The following IQGAP1 variants were observed in gnomAD, a reference collection of about 807,000 sequenced individuals.
IQGAP1 encodes ras GTPase-activating-like protein IQGAP1.
Under a neutral mutation model 215.6 loss-of-function variants are expected in IQGAP1, and 66 were observed. The ratio of observed to expected loss-of-function variants is 0.31; its 90% CI spans 0.25 to 0.38. The LOEUF (loss-of-function observed/expected upper bound fraction) is 0.38, where lower values mean the gene tolerates loss of function less well. Ranked by LOEUF, IQGAP1 falls within the 10% of genes least tolerant of loss-of-function variation. The pLI, the probability that IQGAP1 is intolerant of heterozygous loss-of-function variation, is 1.00. For synonymous variants in IQGAP1, 772 were observed against 728.7 expected (o/e 1.06, Z -0.96); for missense variants, 1,712 against 1,997.1 (o/e 0.86, Z 2.72).
At chr15:90,443,541 A>G (rs1341805907) in intron 9 of IQGAP1, 63 bp downstream of exon 9, 5 of 930,710 alleles carry the variant, frequency 5.4e-6, no homozygotes, top group East Asian at 2.6e-5. Context: ...ATGTTGATCT[A>G]TTCTGGGACT....
intron 37 of IQGAP1, among the ~76,000 whole-genome samples, chr15:90,497,764 T>C (rs144520677): frequency 0.014 from 2,154 of 152,344 alleles, 40 homozygotes; most frequent in South Asian, 0.064. Flanking sequence ...GTAAACTGAA[T>C]TCTATCTTAA....
chr15:90,428,019 T>G (rs541048074), intron 3 of IQGAP1, among the ~76,000 whole-genome samples: 1 of 152,306 alleles, frequency 6.6e-6, no homozygotes, highest in South Asian at 2.1e-4. Flanking sequence ...ACAGAAACTT[T>G]CCTTAAACAA....
intron 2 of IQGAP1, among the ~76,000 whole-genome samples, chr15:90,424,718 A>C (rs1965195783): frequency 6.6e-6 from 1 of 152,132 alleles, no homozygotes; most frequent in African/African-American, 2.4e-5. Flanking sequence ...ACAGGCCTGT[A>C]ATCCCAGCAA....
At chr15:90,470,507 T>G (rs1435825598) in intron 18 of IQGAP1, among the ~76,000 whole-genome samples, 1 of 152,198 alleles carries the variant, frequency 6.6e-6, no homozygotes, top group Non-Finnish European at 1.5e-5. Context: ...GACTGTATTT[T>G]AAGTAGCAGC....
At chr15:90,468,136 C>T (rs1473303399) in intron 18 of IQGAP1, among the ~76,000 whole-genome samples, 5 of 151,834 alleles carry the variant, frequency 3.3e-5, no homozygotes, top group African/African-American at 7.3e-5. Context: ...GGTGCATTCT[C>T]GGCTCACTGC....
chr15:90,477,326 A>G (rs1027904939), intron 25 of IQGAP1, 96 bp downstream of exon 25: 74 of 1,029,624 alleles, frequency 7.2e-5, no homozygotes, highest in Non-Finnish European at 1.0e-4. Context: ...CTTGATCTCA[A>G]TTAATTTATG....
intron 11 of IQGAP1, among the ~76,000 whole-genome samples, chr15:90,451,833 CTTTTTT>C (rs1000688423): frequency 7.2e-6 from 1 of 139,524 alleles, no homozygotes; most frequent in African/African-American, 2.6e-5. Context: ...TCTGTGTGCC[CTTTTTT>C]TTTTTTTTTG....
intron 33 of IQGAP1, among the ~76,000 whole-genome samples, chr15:90,488,261 T>A (rs1387950906): frequency 6.6e-6 from 1 of 151,404 alleles, no homozygotes; most frequent in Non-Finnish European, 1.5e-5. Flanking sequence ...AATAAATAAA[T>A]AAAATGTTGT....
At chr15:90,484,679 T>A (rs1379805226) in intron 30 of IQGAP1, among the ~76,000 whole-genome samples, 5 of 151,998 alleles carry the variant, frequency 3.3e-5, no homozygotes, top group Non-Finnish European at 7.4e-5. Context: ...TGGCTAAATT[T>A]TTTGAATTTT....
rs893656930 is a variant in IQGAP1 at position 90,465,859 on chromosome 15, C to A, written c.1777-142C>A. 6 of 669,814 alleles carry A rather than the reference C, an allele frequency of 9.0e-6. No individual in the cohort carries two copies. In the African/African-American group the frequency reaches 1.1e-4, roughly 12 times the overall value. The allele number at this position is 669,814 out of a possible 1,614,324, so 41.5% of individuals were successfully genotyped here. Reference sequence around the variant, plus strand: ...ACCAGTTTTTTGATGCCTCCTTCTTCCATTTGACTAACCCACGTGTCTCAT... The same window carrying A: ...ACCAGTTTTTTGATGCCTCCTTCTTACATTTGACTAACCCACGTGTCTCAT... On this transcript the variant is annotated intron_variant, in intron 15 of 37. Transcript: ENST00000268182.
At chr15:90,419,268 A>T (rs1328884073) in intron 2 of IQGAP1, among the ~76,000 whole-genome samples, 2 of 152,180 alleles carry the variant, frequency 1.3e-5, no homozygotes, top group African/African-American at 4.8e-5. Flanking sequence ...TAAAATAATT[A>T]CAATAATACT....
At position 90,388,424 on chromosome 15, in the gene IQGAP1, G is replaced by T. The variant is rs770736790; in HGVS notation, c.55+28G>T. On this transcript the variant is annotated intron_variant, in intron 1 of 37. Transcript: ENST00000268182. ...GAGTGCGGGGCTCCGCGGCGCGGGG[G>T]CTTCGGGCTGGGCTAATTGCAGACG... 6.4e-6 allele frequency: 10 copies of T among 1,557,798 alleles called. No homozygotes were observed. The Admixed American group carries it at 1.3e-4, about 20-fold the overall frequency.
intron 29 of IQGAP1, 83 bp downstream of exon 29, chr15:90,483,676 T>TCTCGGCTGGGCGCGGTGG: frequency 1.0e-6 from 1 of 981,406 alleles, no homozygotes; most frequent in Non-Finnish European, 1.5e-6. Flanking sequence ...AAAAACCACC[T>TCTCGGCTGGGCGCGGTGG]CTCACTTTCC....
intron 34 of IQGAP1, 134 bp from the exon 35 acceptor site, chr15:90,492,411 A>G (rs1966217561): frequency 1.5e-5 from 10 of 649,806 alleles, no homozygotes; most frequent in African/African-American, 4.1e-5. Context: ...CCTGGGCAAC[A>G]GAGTGTCTAA....
intron 31 of IQGAP1, 23 bp from the exon 32 acceptor site, chr15:90,486,931 T>G (rs1472163008): frequency 4.3e-6 from 7 of 1,612,502 alleles, no homozygotes; most frequent in Middle Eastern, 1.7e-4. Context: ...ACGCTGACTC[T>G]TTCCACCCTC....
intron 1 of IQGAP1, among the ~76,000 whole-genome samples, chr15:90,389,825 C>A (rs908653785): frequency 6.6e-5 from 10 of 150,726 alleles, no homozygotes; most frequent in African/African-American, 2.4e-4. Flanking sequence ...GGCGTGGTGG[C>A]CCATGCCTGT....
Position 90,482,120 on chromosome 15 carries a change from A to G in IQGAP1, c.3470+20A>G, listed in dbSNP as rs762490101. ...AATCCCGTGAGTGCCATCAGTTGTCATGACCCCCAGTAGAACCCAGCACTA... is the reference window on the plus strand; with the variant it reads ...AATCCCGTGAGTGCCATCAGTTGTCGTGACCCCCAGTAGAACCCAGCACTA... On this transcript the variant is annotated intron_variant, in intron 27 of 37. Transcript: ENST00000268182. 6.2e-7 allele frequency: 1 copy of G among 1,614,200 alleles called. No homozygotes were observed. Among genetic ancestry groups the G allele is most frequent in the Admixed American group, 1.7e-5 (1 of 60,024 alleles).
In IQGAP1 at chr15:90,477,908, C is replaced by T. The variant is rs1170883701; in HGVS notation, c.3329+19C>T. 1.4e-6 allele frequency: 2 copies of T among 1,469,874 alleles called. No homozygotes were observed. The highest frequency in any genetic ancestry group is 1.4e-5 in the African/African-American group (1 of 71,966). The allele number at this position is 1,469,874 out of a possible 1,614,324, so 91.1% of individuals were successfully genotyped here. A position where few individuals can be genotyped will look rare whatever the true frequency, so the allele number is the denominator to read the frequency against. The stretch of plus-strand genomic sequence containing the variant: ...AGGCAAGGTATGTTAACCATAATGA[C>T]ACTTTTCTTTCATGTTGTTATAGTC... On this transcript the variant is annotated intron_variant, in intron 26 of 37. Coordinates refer to ENST00000268182, the MANE Select transcript of IQGAP1 (RefSeq NM_003870.4).
At chr15:90,409,386 C>T (rs1434958590) in intron 2 of IQGAP1, among the ~76,000 whole-genome samples, 3 of 151,890 alleles carry the variant, frequency 2.0e-5, no homozygotes, top group Non-Finnish European at 4.4e-5. Flanking sequence ...TATGGGTGCC[C>T]GCCACAACAG....
Sources: allele counts gnomAD v4.1 joint callset (sites outside exome capture counted in the v4.1 genomes callset), GRCh38; gene constraint gnomAD v4.1.1; transcripts MANE v1.5; gene names NCBI Gene and HGNC (gene_info 2026-07-23, HGNC 2026-07-21).